The following USP28 variants were observed in gnomAD, a reference collection of about 807,000 sequenced individuals.
USP28 encodes ubiquitin carboxyl-terminal hydrolase 28.
Under a neutral mutation model 145.0 loss-of-function variants are expected in USP28, and 113 were observed. That is an observed-to-expected ratio of 0.78 (90% CI 0.67 to 0.91). The LOEUF (loss-of-function observed/expected upper bound fraction) is 0.91. Among genes scored for constraint, USP28 ranks in the 40% least tolerant of loss-of-function variants. USP28 has a pLI of 0.00. For synonymous variants in USP28, 447 were observed against 450.9 expected (o/e 0.99, Z 0.11); for missense variants, 1,201 against 1,289.6 (o/e 0.93, Z 1.05).
At chr11:113,871,811 A>C (rs1414383845) in intron 1 of USP28, among the ~76,000 whole-genome samples, 2 of 152,204 alleles carry the variant, frequency 1.3e-5, no homozygotes, top group Non-Finnish European at 2.9e-5. Context: ...AGTTTAAAAC[A>C]TTAGGAGAGT....
intron 21 of USP28, 50 bp from the exon 23 acceptor site, chr11:113,803,927 G>A (rs1415176709): frequency 6.6e-7 from 1 of 1,504,392 alleles, no homozygotes; most frequent in Non-Finnish European, 9.2e-7. Flanking sequence ...TAGATTGTTA[G>A]TGTCCTTCCC....
At chr11:113,874,475 C>A (rs527981713) in intron 1 of USP28, 46 of 1,112,060 alleles carry the variant, frequency 4.1e-5, no homozygotes, top group Admixed American at 5.3e-5. Flanking sequence ...ATACTACTGG[C>A]CTTCCAGACA....
chr11:113,840,935 T>C (rs1945130501), intron 4 of USP28, among the ~76,000 whole-genome samples, 178 bp from the exon 5 acceptor site: 1 of 152,214 alleles, frequency 6.6e-6, no homozygotes, highest in African/African-American at 2.4e-5. Flanking sequence ...GCAAGATTTA[T>C]ACATAGAAAT....
At chr11:113,809,474 C>T (rs1298331520) in intron 16 of USP28, among the ~76,000 whole-genome samples, 1 of 152,096 alleles carries the variant, frequency 6.6e-6, no homozygotes, top group African/African-American at 2.4e-5. Flanking sequence ...AAAATCTGCA[C>T]AATTAGTTAT....
exon 20 of USP28, chr11:113,805,039 T>C (rs777194191): frequency 3.7e-6 from 6 of 1,613,948 alleles, no homozygotes; most frequent in South Asian, 3.3e-5. Context: ...GTATTCTTCA[T>C]GGAATGCCTA....
intron 11 of USP28, among the ~76,000 whole-genome samples, chr11:113,825,627 A>C (rs1287457464): frequency 1.3e-5 from 2 of 152,240 alleles, no homozygotes; most frequent in Admixed American, 6.5e-5. Context: ...TCACTGCAGT[A>C]CATATTACAA....
chr11:113,840,941 G>C (rs1246298497), intron 4 of USP28, among the ~76,000 whole-genome samples, 184 bp from the exon 5 acceptor site: 1 of 152,134 alleles, frequency 6.6e-6, no homozygotes, highest in Non-Finnish European at 1.5e-5. Flanking sequence ...TTTATACATA[G>C]AAATGTTAAT....
chr11:113,850,379 G>A (rs1279596161), intron 3 of USP28, among the ~76,000 whole-genome samples: 1 of 152,002 alleles, frequency 6.6e-6, no homozygotes, highest in Non-Finnish European at 1.5e-5. Flanking sequence ...CATACAATGT[G>A]GTATATATTC....
At chr11:113,825,824 G>A (rs914515983) in intron 11 of USP28, among the ~76,000 whole-genome samples, 6 of 152,190 alleles carry the variant, frequency 3.9e-5, no homozygotes, top group Admixed American at 3.9e-4. Context: ...GTGGTTGCCA[G>A]GACCTGGAGA....
In USP28 at chr11:113,829,564, A is replaced by T. The variant is rs1490016737; in HGVS notation, c.911-219T>A. On this transcript the variant is annotated intron_variant, in intron 9 of 24. Coordinates refer to ENST00000003302, the Ensembl canonical transcript of USP28. ...AAAAAGACCAGGGGCTTCGTGGCTT[A>T]TGCCTGTAATCCCACCACTTTGGGA... 3 of 532,784 alleles carry T rather than the reference A, an allele frequency of 5.6e-6. No individual in the cohort carries two copies. In the African/African-American group the frequency reaches 5.9e-5, roughly 10 times the overall value. The allele number at this position is 532,784 out of a possible 1,614,324, so 33.0% of individuals were successfully genotyped here. A position where few individuals can be genotyped will look rare whatever the true frequency, so the allele number is the denominator to read the frequency against.
At chr11:113,865,436 C>A (rs530212603) in intron 1 of USP28, among the ~76,000 whole-genome samples, 4 of 152,268 alleles carry the variant, frequency 2.6e-5, no homozygotes, top group Admixed American at 6.5e-5. Context: ...CTTCTTATAT[C>A]AAAACTTAGT....
chr11:113,846,988 C>T (rs1202784104), intron 3 of USP28, among the ~76,000 whole-genome samples: 2 of 152,106 alleles, frequency 1.3e-5, no homozygotes, highest in Non-Finnish European at 1.5e-5. Flanking sequence ...GAGCGAGCTT[C>T]CTTCTCAAAA....
chr11:113,837,916 T>C (rs974164261), intron 5 of USP28, among the ~76,000 whole-genome samples: 2 of 152,152 alleles, frequency 1.3e-5, no homozygotes, highest in African/African-American at 4.8e-5. Flanking sequence ...CCAACAACTA[T>C]TTCAAACTTT....
At chr11:113,803,704 T>TATGCAGGG in intron 22 of USP28, 94 bp downstream of exon 23, 1 of 993,284 alleles carries the variant, frequency 1.0e-6, no homozygotes, top group East Asian at 2.4e-5. Context: ...CAAGGGAGGT[T>TATGCAGGG]ATGCATGGCT....
At chr11:113,874,391 C>T in intron 1 of USP28, 2 of 945,116 alleles carry the variant, frequency 2.1e-6, no homozygotes, top group Non-Finnish European at 2.7e-6. Flanking sequence ...CGCCACAGCA[C>T]TCCAGCCTAG....
intron 5 of USP28, among the ~76,000 whole-genome samples, chr11:113,839,751 G>A (rs951137803): frequency 1.2e-4 from 19 of 152,048 alleles, no homozygotes; most frequent in African/African-American, 4.1e-4. Context: ...GTGGCCAGGC[G>A]CGGTGGCTCA....
intron 12 of USP28, chr11:113,821,038 C>A: frequency 4.5e-6 from 1 of 221,178 alleles, no homozygotes; most frequent in South Asian, 7.2e-5. Context: ...GGCAATCAGC[C>A]TTCCAGTTGG....
chr11:113,856,816 G>A (rs1012411417), intron 1 of USP28, among the ~76,000 whole-genome samples: 1 of 152,104 alleles, frequency 6.6e-6, no homozygotes, highest in Admixed American at 6.5e-5. Flanking sequence ...GGGTTCAAGC[G>A]ATTCTCCTGC....
intron 19 of USP28, 60 bp downstream of exon 20, chr11:113,806,429 T>C: frequency 7.0e-7 from 1 of 1,434,790 alleles, no homozygotes; most frequent in Non-Finnish European, 9.7e-7. Flanking sequence ...CTTATAGAAT[T>C]ATTTCCCCAA....
Sources: gnomAD v4.1 joint callset for allele counts (sites outside exome capture counted in the v4.1 genomes callset) on GRCh38, gnomAD v4.1.1 for gene constraint, MANE v1.5 for transcripts, NCBI Gene and HGNC (gene_info 2026-07-23, HGNC 2026-07-21) for gene names.